The following RPAP3 variants were observed in gnomAD, a reference collection of about 807,000 sequenced individuals.
The protein encoded by RPAP3 is RNA polymerase II associated protein 3, also known as RNA polymerase II-associated protein 3.
RPAP3 carries 58 observed loss-of-function variants against 88.8 expected under a neutral mutation model. That is an observed-to-expected ratio of 0.65 (90% CI 0.53 to 0.81). RPAP3 has a LOEUF of 0.81. RPAP3 is among the 40% of genes least tolerant of loss of function. RPAP3 has a pLI of 0.00. For missense variants in RPAP3, 751 were observed against 764.3 expected (o/e 0.98, Z 0.20); for synonymous variants, 255 against 259.9 (o/e 0.98, Z 0.18).
At chr12:47,683,253 T>C (rs1222261420) in intron 9 of RPAP3, among the ~76,000 whole-genome samples, 1 of 152,214 alleles carries the variant, frequency 6.6e-6, no homozygotes, top group Non-Finnish European at 1.5e-5. Context: ...AGCGCTATCT[T>C]AGCGTATTTT....
chr12:47,692,285 T>G (rs542963401), intron 5 of RPAP3, among the ~76,000 whole-genome samples: 1 of 152,390 alleles, frequency 6.6e-6, no homozygotes, highest in East Asian at 1.9e-4. Flanking sequence ...TAGATGGCAC[T>G]GTCTTCTAAC....
At chr12:47,691,165 C>A (rs553544316) in intron 5 of RPAP3, among the ~76,000 whole-genome samples, 2 of 152,124 alleles carry the variant, frequency 1.3e-5, no homozygotes, top group East Asian at 3.9e-4. Flanking sequence ...TGGAGTCAAT[C>A]CTCTCAAACT....
At chr12:47,684,755 T>A (rs1939289014) in intron 9 of RPAP3, among the ~76,000 whole-genome samples, 1 of 152,184 alleles carries the variant, frequency 6.6e-6, no homozygotes, top group African/African-American at 2.4e-5. Flanking sequence ...ACCAACGAAC[T>A]CAGGCTTTAC....
At chr12:47,698,941 A>C (rs1343260890) in intron 3 of RPAP3, among the ~76,000 whole-genome samples, 1 of 152,248 alleles carries the variant, frequency 6.6e-6, no homozygotes, top group East Asian at 1.9e-4. Context: ...AATTATGCAT[A>C]GTTTCATTAA....
At chr12:47,669,351 C>T (rs1938948407) in intron 13 of RPAP3, among the ~76,000 whole-genome samples, 1 of 152,114 alleles carries the variant, frequency 6.6e-6, no homozygotes, top group Admixed American at 6.6e-5. Flanking sequence ...CTAACCTATC[C>T]ACCTTTTGAG....
chr12:47,698,089 T>A (rs1939572925), intron 3 of RPAP3, among the ~76,000 whole-genome samples: 1 of 152,098 alleles, frequency 6.6e-6, no homozygotes, highest in African/African-American at 2.4e-5. Context: ...AAAAAAAAAT[T>A]TTTTTCTTCC....
intron 3 of RPAP3, chr12:47,699,893 G>GA (rs1402359063): frequency 1.3e-5 from 2 of 151,720 alleles, no homozygotes; most frequent in Admixed American, 6.6e-5. Context: ...TCATTTATAT[G>GA]AAATTCCAAA....
chr12:47,671,981 T>G (rs534836251), intron 12 of RPAP3, among the ~76,000 whole-genome samples: 1 of 151,398 alleles, frequency 6.6e-6, no homozygotes, highest in East Asian at 1.9e-4. Context: ...AGTTGTATAT[T>G]GTGACCATTT....
intron 9 of RPAP3, among the ~76,000 whole-genome samples, chr12:47,682,553 A>C: frequency 6.6e-6 from 1 of 152,188 alleles, no homozygotes; most frequent in East Asian, 1.9e-4. Flanking sequence ...TTGCTTTACA[A>C]TAATTCGGGG....
Position 47,686,832 on chromosome 12 carries a change from C to T in RPAP3, c.940G>A (p.Ala314Thr), listed in dbSNP as rs1474550469. Residue 314 changes from alanine to threonine, a missense_variant, in exon 9 of 17, where the codon GCT (alanine) becomes ACT (threonine). By Grantham distance (58) the Ala-to-Thr change is moderately conservative. Coordinates refer to ENST00000005386, the MANE Select transcript of RPAP3 (RefSeq NM_024604.3). ...CTGTTAGCTGGAAGAAGGGCATTAG[C>T]ACCATCTGCTGCTATCCCTCGAGTA... ...CYTRGIAADG[A>T]NALLPANRAM... The T allele has an allele frequency of 6.2e-7, 1 of 1,607,272 alleles. No individual in the cohort carries two copies. Among genetic ancestry groups the T allele is most frequent in the Non-Finnish European group, 8.5e-7 (1 of 1,176,982 alleles).
intron 6 of RPAP3, among the ~76,000 whole-genome samples, chr12:47,689,724 G>A (rs1939392417): frequency 6.6e-6 from 1 of 152,088 alleles, no homozygotes; most frequent in African/African-American, 2.4e-5. Flanking sequence ...AAGGATACCT[G>A]CTATCATAAG....
chr12:47,686,055 G>A (rs1939314617), intron 9 of RPAP3, among the ~76,000 whole-genome samples: 2 of 152,170 alleles, frequency 1.3e-5, no homozygotes, highest in Non-Finnish European at 1.5e-5. Flanking sequence ...TCAACATACA[G>A]CTAAAGGGGA....
In RPAP3 at chr12:47,667,787, T is replaced by C; in HGVS notation, c.1778A>G (p.Gln593Arg). 6.2e-7 allele frequency: 1 copy of C among 1,606,784 alleles called. No homozygotes were observed. Among genetic ancestry groups the C allele is most frequent in the Non-Finnish European group, 8.5e-7 (1 of 1,175,918 alleles). Residue 593 changes from glutamine to arginine, a missense_variant, in exon 15 of 17, where the codon CAG (glutamine) becomes CGG (arginine). Physicochemically the swap from Gln to Arg is conservative, Grantham distance 43 (BLOSUM62 1). Transcript: ENST00000005386. Reference sequence around the variant, plus strand: ...AAAGTCATGCAGAATTTTAACGATCTGGTTGAATACATCTGGATCCAGATT... The same window carrying C: ...AAAGTCATGCAGAATTTTAACGATCCGGTTGAATACATCTGGATCCAGATT... ...QKNLDPDVFN[Q>R]IVKILHDFYI...
chr12:47,668,464 A>G (rs896912588), intron 14 of RPAP3, among the ~76,000 whole-genome samples: 1 of 152,216 alleles, frequency 6.6e-6, no homozygotes, highest in Non-Finnish European at 1.5e-5. Flanking sequence ...AAGTAATTTT[A>G]TATTGCATAA....
chr12:47,681,104 C>G (rs1193980743), intron 10 of RPAP3, among the ~76,000 whole-genome samples: 1 of 126,168 alleles, frequency 7.9e-6, no homozygotes, highest in African/African-American at 2.7e-5. Flanking sequence ...TTTGCACCTG[C>G]AATCCCATTA....
chr12:47,667,821 A>G lies in RPAP3; in HGVS notation c.1744T>C (p.Phe582Leu), dbSNP rs200439810. ...QIEPSLYPKL[F>L]QKNLDPDVFN... ...ACATCTGGATCCAGATTTTTCTGAA[A>G]CAACTTAGGATACAAAGATGGTTCA... The change falls in exon 15 of 17, where the codon TTT (phenylalanine) becomes CTT (leucine). Residue 582 changes from phenylalanine to leucine, a missense_variant. Transcript: ENST00000005386. 66 of 1,607,986 alleles carry G rather than the reference A, an allele frequency of 4.1e-5. No homozygotes were observed. The highest frequency in any genetic ancestry group is 4.9e-5 in the Non-Finnish European group (58 of 1,176,410).
rs115392242 is a variant in RPAP3, at chr12:47,672,277, C to A, written c.1288-1932G>T. ...GCCAGCCCTTCAAGCACAGACTACC[C>A]TGCCCTAGCCTTTCATTTCAATAAT... On this transcript the variant is annotated intron_variant, in intron 12 of 16. Transcript: ENST00000005386. 8.5e-3 allele frequency among the ~76,000 whole-genome samples: 1,291 copies of A among 152,284 alleles called. 19 individuals are homozygous for A. The highest frequency in any genetic ancestry group is 0.029 in the African/African-American group (1,212 of 41,552).
chr12:47,690,670 G>A, intron 5 of RPAP3, 31 bp from the exon 6 acceptor site: 1 of 1,383,118 alleles, frequency 7.2e-7, no homozygotes, highest in Non-Finnish European at 9.6e-7. Context: ...AATAAATAAA[G>A]TTAATAAAAC....
chr12:47,697,734 C>T lies in RPAP3; in HGVS notation c.295-15G>A, dbSNP rs770376547. 50 of 1,569,504 alleles carry T rather than the reference C, an allele frequency of 3.2e-5. No homozygotes were observed. The highest frequency in any genetic ancestry group is 9.9e-5 in the Admixed American group (5 of 50,290). On this transcript the variant is annotated splice_polypyrimidine_tract_variant and intron_variant, in intron 3 of 16. Transcript: ENST00000005386. ...AGGATACGGTCCTAAAATCAAAAGA[C>T]GGAAAACAGGGGTCATAATTATATG...
Sources: allele counts gnomAD v4.1 joint callset (sites outside exome capture counted in the v4.1 genomes callset), GRCh38; gene constraint gnomAD v4.1.1; transcripts MANE v1.5; gene names NCBI Gene and HGNC (gene_info 2026-07-23, HGNC 2026-07-21).